The following NRXN1 variants were observed in gnomAD, a reference collection of about 807,000 sequenced individuals.
NRXN1 encodes neurexin 1, also known as neurexin-1.
A neutral mutation model predicts 150.9 loss-of-function variants in NRXN1; 39 were observed. That is an observed-to-expected ratio of 0.26 (90% CI 0.20 to 0.34). The LOEUF (loss-of-function observed/expected upper bound fraction) is 0.34, where lower values mean the gene tolerates loss of function less well. NRXN1 is among the 10% of genes least tolerant of loss of function. NRXN1 has a pLI of 1.00. For synonymous variants in NRXN1, 924 were observed against 757.0 expected, an observed-to-expected ratio of 1.22 and a Z score of -3.62; for missense variants, 1,815 against 1,949.9, an observed-to-expected ratio of 0.93 and a Z score of 1.30.
At chr2:50,118,966 T>A (rs895384146) in intron 18 of NRXN1, among the ~76,000 whole-genome samples, 2 of 151,828 alleles carry the variant, frequency 1.3e-5, no homozygotes, top group African/African-American at 4.9e-5. Flanking sequence ...AATACCTGTG[T>A]GTTAACCTGT....
At chr2:50,694,237 A>G (rs1237671494) in intron 5 of NRXN1, among the ~76,000 whole-genome samples, 1 of 152,238 alleles carries the variant, frequency 6.6e-6, no homozygotes, top group Non-Finnish European at 1.5e-5. Flanking sequence ...TTAATGGATT[A>G]GACTAGAAAG....
chr2:50,615,766 GC>G (rs1678959432), intron 8 of NRXN1: 4 of 152,118 alleles, frequency 2.6e-5, no homozygotes, highest in African/African-American at 9.7e-5. Context: ...TAGAGTCTGA[GC>G]ATCTCAGACA....
intron 2 of NRXN1, among the ~76,000 whole-genome samples, chr2:50,987,386 C>T (rs1299702475): frequency 6.6e-6 from 1 of 151,910 alleles, no homozygotes; most frequent in African/African-American, 2.4e-5. Flanking sequence ...TACATAGAGT[C>T]AGGCCAGATT....
intron 17 of NRXN1, among the ~76,000 whole-genome samples, chr2:50,274,961 G>A (rs1358806325): frequency 6.6e-6 from 1 of 152,098 alleles, no homozygotes; most frequent in Non-Finnish European, 1.5e-5. Context: ...TTACAAAATT[G>A]ATGTCAGATA....
At chr2:50,018,601 T>C (rs1043632324) in intron 21 of NRXN1, among the ~76,000 whole-genome samples, 5 of 152,344 alleles carry the variant, frequency 3.3e-5, no homozygotes, top group East Asian at 1.9e-4. Flanking sequence ...AAAGAAGATA[T>C]GTGAAAATTT....
intron 12 of NRXN1, among the ~76,000 whole-genome samples, chr2:50,522,982 G>A (rs571438302): frequency 4.0e-5 from 6 of 151,720 alleles, no homozygotes; most frequent in African/African-American, 1.2e-4. Context: ...TGATCCACCC[G>A]CCTCAGCCTC....
intron 2 of NRXN1, among the ~76,000 whole-genome samples, chr2:51,008,162 C>T (rs1368251566): frequency 6.6e-6 from 1 of 151,762 alleles, no homozygotes; most frequent in East Asian, 1.9e-4. Context: ...TAAAAGAGAT[C>T]AGTTATAAAG....
At chr2:50,472,613 TGC>T in intron 15 of NRXN1, 142 bp from the exon 16 acceptor site, 1 of 617,720 alleles carries the variant, frequency 1.6e-6, no homozygotes, top group Non-Finnish European at 2.7e-6. Context: ...TTCCCCAAAG[TGC>T]TAAACAATAG....
intron 17 of NRXN1, among the ~76,000 whole-genome samples, chr2:50,253,231 G>C (rs2067334647): frequency 6.6e-6 from 1 of 152,024 alleles, no homozygotes; most frequent in Non-Finnish European, 1.5e-5. Context: ...GTGGTGTATA[G>C]GAATGTTTCT....
intron 18 of NRXN1, among the ~76,000 whole-genome samples, chr2:50,143,763 C>T (rs367614342): frequency 2.4e-4 from 37 of 151,952 alleles, no homozygotes; most frequent in African/African-American, 7.7e-4. Context: ...TGGCCATCTA[C>T]ACTCATTAGG....
chr2:50,337,096 T>A (rs2077238101), intron 17 of NRXN1, among the ~76,000 whole-genome samples: 2 of 151,064 alleles, frequency 1.3e-5, no homozygotes, highest in South Asian at 4.2e-4. Flanking sequence ...TTTTTTTTTT[T>A]TTTTGAGACG....
intron 4 of NRXN1, 96 bp downstream of exon 4, chr2:50,922,562 T>G: frequency 9.2e-7 from 1 of 1,083,264 alleles, no homozygotes. Flanking sequence ...CCATATAATT[T>G]GCAAGCATTT....
chr2:50,889,437 C>T (rs1255666479), intron 5 of NRXN1, among the ~76,000 whole-genome samples: 2 of 151,624 alleles, frequency 1.3e-5, no homozygotes, highest in African/African-American at 4.8e-5. Flanking sequence ...ATAAACACTC[C>T]GTAAGTTCAT....
rs139252442 is a variant in NRXN1, at chr2:49,924,139, A to T, written c.4217-1888T>A. Among the ~76,000 whole-genome samples, 890 of 152,320 alleles carry T rather than the reference A, an allele frequency of 5.8e-3. 13 individuals are homozygous for T. Among genetic ancestry groups the T allele is most frequent in the African/African-American group, 0.021 (854 of 41,582 alleles). On this transcript the variant is annotated intron_variant, in intron 22 of 22. Coordinates refer to ENST00000401669, the MANE Select transcript of NRXN1 (RefSeq NM_001330078.2). ...TAACTCAGCTGCTTTCACTAAATGA[A>T]AACTTTCATTTTACAGAGCATTCTT...
At chr2:50,747,993 A>G (rs551086986) in intron 5 of NRXN1, among the ~76,000 whole-genome samples, 2 of 152,148 alleles carry the variant, frequency 1.3e-5, no homozygotes, top group Non-Finnish European at 2.9e-5. Flanking sequence ...AGCAGTCTCT[A>G]TTTTTGAGCT....
chr2:50,107,539 A>ATATATATAT (rs59921941), intron 18 of NRXN1, among the ~76,000 whole-genome samples: 7,523 of 129,384 alleles, frequency 0.058, 353 homozygotes, highest in Middle Eastern at 0.089. Flanking sequence ...ATATATATAT[A>ATATATATAT]TTTTTTTTTT....
rs549414044 is a variant in NRXN1, at chr2:50,506,094, A to G, written c.2497+401T>C. Among the ~76,000 whole-genome samples, 16 of 152,290 alleles carry G rather than the reference A, an allele frequency of 1.1e-4. No individual in the cohort carries two copies. The South Asian group carries it at 3.1e-3, about 30-fold the overall frequency. The stretch of plus-strand genomic sequence containing the variant: ...GAAAGCCAGATAGATAAACGCCAGT[A>G]TATCTATCATCTTACCTAGAAGTTA... On this transcript the variant is annotated intron_variant, in intron 13 of 22. Coordinates refer to ENST00000401669, the MANE Select transcript of NRXN1 (RefSeq NM_001330078.2).
At chr2:50,795,195 A>G (rs1322709115) in intron 5 of NRXN1, among the ~76,000 whole-genome samples, 1 of 152,074 alleles carries the variant, frequency 6.6e-6, no homozygotes, top group East Asian at 1.9e-4. Context: ...CTTTATGTAG[A>G]TAAGATTTAC....
At chr2:50,336,755 C>T (rs541532889) in intron 17 of NRXN1, among the ~76,000 whole-genome samples, 34 of 151,928 alleles carry the variant, frequency 2.2e-4, no homozygotes, top group South Asian at 8.4e-4. Context: ...CTTGGTGTGC[C>T]GACAGATGTC....
Sources: gnomAD v4.1 joint callset for allele counts (sites outside exome capture counted in the v4.1 genomes callset) on GRCh38, gnomAD v4.1.1 for gene constraint, MANE v1.5 for transcripts, NCBI Gene and HGNC (gene_info 2026-07-23, HGNC 2026-07-21) for gene names.